The following LRRC4C variants were observed in gnomAD, a reference collection of about 807,000 sequenced individuals.
LRRC4C encodes leucine-rich repeat-containing protein 4C.
A neutral mutation model predicts 33.6 loss-of-function variants in LRRC4C; 5 were observed. That is an observed-to-expected ratio of 0.15 (90% confidence interval 0.08 to 0.31). The LOEUF (loss-of-function observed/expected upper bound fraction) is 0.31. Among genes scored for constraint, LRRC4C ranks in the 10% least tolerant of loss-of-function variants. The pLI, the probability that LRRC4C is intolerant of heterozygous loss-of-function variation, is 1.00. For synonymous variants in LRRC4C, 329 were observed against 302.0 expected, an observed-to-expected ratio of 1.09 and a Z score of -0.93; for missense variants, 560 against 796.7, an observed-to-expected ratio of 0.70 and a Z score of 3.58.
chr11:41,048,913 C>T (rs942800508), intron 1 of LRRC4C, among the ~76,000 whole-genome samples: 2 of 152,152 alleles, frequency 1.3e-5, no homozygotes, highest in Non-Finnish European at 2.9e-5. Flanking sequence ...GCCTTGACTT[C>T]CTGGATCGTA....
At chr11:40,765,310 C>T (rs534159393) in intron 2 of LRRC4C, among the ~76,000 whole-genome samples, 38 of 152,262 alleles carry the variant, frequency 2.5e-4, no homozygotes, top group Admixed American at 1.4e-3. Context: ...CTCTCTCTTT[C>T]TTCTTCTCCA....
chr11:40,501,040 C>T (rs1565451168), intron 3 of LRRC4C, among the ~76,000 whole-genome samples: 2 of 152,148 alleles, frequency 1.3e-5, no homozygotes, highest in Non-Finnish European at 2.9e-5. Flanking sequence ...AGGCTACAGA[C>T]CCCATGCAAG....
chr11:41,427,267 C>T (rs969365356), intron 1 of LRRC4C, among the ~76,000 whole-genome samples: 1 of 151,978 alleles, frequency 6.6e-6, no homozygotes, highest in Non-Finnish European at 1.5e-5. Flanking sequence ...TATTTTACTT[C>T]TTGTTTGCTG....
At chr11:40,657,283 T>G (rs1943170977) in intron 2 of LRRC4C, among the ~76,000 whole-genome samples, 1 of 152,196 alleles carries the variant, frequency 6.6e-6, no homozygotes, top group Non-Finnish European at 1.5e-5. Context: ...TTAAAAATGT[T>G]GAGTCTAATG....
chr11:41,160,580 A>C (rs1228073272), intron 1 of LRRC4C, among the ~76,000 whole-genome samples: 1 of 152,170 alleles, frequency 6.6e-6, no homozygotes, highest in Non-Finnish European at 1.5e-5. Flanking sequence ...ATCTTGAATT[A>C]GTCTTAAAAA....
At position 40,507,047 on chromosome 11, in the gene LRRC4C, C is replaced by T. The variant is rs934865123; in HGVS notation, c.-270+141095G>A. 2.6e-5 allele frequency among the ~76,000 whole-genome samples: 4 copies of T among 151,572 alleles called. 1 individual carries two copies. The highest frequency in any genetic ancestry group is 9.7e-5 in the African/African-American group (4 of 41,266). On this transcript the variant is annotated intron_variant, in intron 3 of 6. Coordinates refer to ENST00000528697, the MANE Select transcript of LRRC4C (RefSeq NM_001258419.2). ...TTAATCAAGATGTGAGGCTGAAACA[C>T]AAAAATAAAAGATACAAAAAACACT...
intron 6 of LRRC4C, among the ~76,000 whole-genome samples, chr11:40,138,751 G>A (rs894677719): frequency 6.6e-6 from 1 of 152,134 alleles, no homozygotes; most frequent in Non-Finnish European, 1.5e-5. Flanking sequence ...CTTTCCTAAG[G>A]AAATTCTTAC....
Position 40,454,017 on chromosome 11 carries a change from G to A in LRRC4C, c.-269-134296C>T, listed in dbSNP as rs761940347. ...CAGCAAAGACCTGTAGTTGAGTAAGGTTATCTGTCAATGAGCAGTGCTAAA... is the reference window on the plus strand; with the variant it reads ...CAGCAAAGACCTGTAGTTGAGTAAGATTATCTGTCAATGAGCAGTGCTAAA... On this transcript the variant is annotated intron_variant, in intron 3 of 6. Coordinates refer to ENST00000528697, the MANE Select transcript of LRRC4C (RefSeq NM_001258419.2). Among the ~76,000 whole-genome samples the A allele has an allele frequency of 4.6e-5, 7 of 152,074 alleles. No individual in the cohort carries two copies. In the East Asian group the frequency reaches 1.4e-3, roughly 29 times the overall value.
chr11:41,112,901 T>C (rs11036240), intron 1 of LRRC4C, among the ~76,000 whole-genome samples: 27,954 of 152,042 alleles, frequency 0.18, 2,619 homozygotes, highest in Middle Eastern at 0.19. Flanking sequence ...AGTAGGTGTG[T>C]GTGTGTGCAC....
At chr11:41,022,719 A>G (rs1856069538) in intron 1 of LRRC4C, among the ~76,000 whole-genome samples, 1 of 152,046 alleles carries the variant, frequency 6.6e-6, no homozygotes. Flanking sequence ...AAATTTAGGA[A>G]AAGAATACTT....
chr11:40,743,714 C>A (rs1041490096), intron 2 of LRRC4C, among the ~76,000 whole-genome samples: 2 of 152,090 alleles, frequency 1.3e-5, no homozygotes, highest in Non-Finnish European at 1.5e-5. Flanking sequence ...TGTCACAATT[C>A]TTTCTTTCCT....
chr11:40,654,210 G>A (rs1942974925), intron 2 of LRRC4C, among the ~76,000 whole-genome samples: 1 of 152,196 alleles, frequency 6.6e-6, no homozygotes, highest in African/African-American at 2.4e-5. Context: ...GTACTGCCTA[G>A]TGGAGCTGTG....
intron 3 of LRRC4C, among the ~76,000 whole-genome samples, chr11:40,453,493 TGTATTA>T (rs1951988346): frequency 1.3e-5 from 2 of 152,016 alleles, no homozygotes; most frequent in African/African-American, 4.8e-5. Flanking sequence ...CCAATTCTTA[TGTATTA>T]ATACAATCCC....
intron 1 of LRRC4C, among the ~76,000 whole-genome samples, chr11:41,262,749 T>A (rs1310926682): frequency 6.6e-6 from 1 of 152,132 alleles, no homozygotes; most frequent in Non-Finnish European, 1.5e-5. Flanking sequence ...TTTGAAATAA[T>A]AGCTTCTGTG....
rs1386902838 is a variant in LRRC4C, at chr11:40,638,843, AT to A, written c.-270+9298del. The stretch of plus-strand genomic sequence containing the variant: ...CAAAAGTAGTTTAGCATCATGAGGA[AT>A]TGGAAGGATTTTGTAAATTATAAGA... On this transcript the variant is annotated intron_variant, in intron 3 of 6. Transcript: ENST00000528697. Among the ~76,000 whole-genome samples, 4 of 151,564 alleles carry A rather than the reference AT, an allele frequency of 2.6e-5. No individual in the cohort carries two copies. The East Asian group carries it at 7.8e-4, about 29-fold the overall frequency.
At chr11:40,504,944 T>C (rs1375387058) in intron 3 of LRRC4C, among the ~76,000 whole-genome samples, 1 of 152,206 alleles carries the variant, frequency 6.6e-6, no homozygotes, top group Non-Finnish European at 1.5e-5. Flanking sequence ...ATTTTACTTT[T>C]GAATTAGCAT....
intron 3 of LRRC4C, among the ~76,000 whole-genome samples, chr11:40,561,377 G>A (rs1404324953): frequency 6.6e-6 from 1 of 150,874 alleles, no homozygotes. Flanking sequence ...GCTCACTAGC[G>A]GATCATCTTT....
chr11:41,343,447 G>A (rs1167965031), intron 1 of LRRC4C, among the ~76,000 whole-genome samples: 1 of 152,128 alleles, frequency 6.6e-6, no homozygotes, highest in Admixed American at 6.6e-5. Context: ...AATATTTTCC[G>A]GGCCATGTAT....
At chr11:40,844,212 C>T (rs763940171) in intron 2 of LRRC4C, among the ~76,000 whole-genome samples, 8 of 150,790 alleles carry the variant, frequency 5.3e-5, no homozygotes, top group Non-Finnish European at 7.4e-5. Flanking sequence ...ACGTTGTGCA[C>T]ATGTACCCTT....
Sources: allele counts gnomAD v4.1 joint callset (sites outside exome capture counted in the v4.1 genomes callset), GRCh38; gene constraint gnomAD v4.1.1; transcripts MANE v1.5; gene names NCBI Gene and HGNC (gene_info 2026-07-23, HGNC 2026-07-21).